The following N4BP2L2 variants were observed in gnomAD, a reference collection of about 807,000 sequenced individuals.
The protein encoded by N4BP2L2 is NEDD4-binding protein 2-like 2.
Under a neutral mutation model 56.2 loss-of-function variants are expected in N4BP2L2, and 50 were observed. The observed-to-expected ratio is 0.89, with a 90% CI of 0.71 to 1.13. The LOEUF is 1.13. Ranked by LOEUF, N4BP2L2 falls within the 50% of genes most tolerant of loss-of-function variation. The probability of loss-of-function intolerance (pLI) is 0.00; values close to 1 mark genes in which losing one functional copy is unlikely to be tolerated. For synonymous variants in N4BP2L2, 203 were observed against 223.6 expected (o/e 0.91, Z 0.82); for missense variants, 689 against 693.8 (o/e 0.99, Z 0.08).
intron 3 of N4BP2L2, chr13:32,524,052 T>C (rs1046986611): frequency 7.2e-5 from 11 of 152,230 alleles, no homozygotes; most frequent in Admixed American, 4.6e-4. Context: ...AAAACATTTA[T>C]ACAGATGTCT....
chr13:32,501,831 ACT>A (rs2090070000), intron 6 of N4BP2L2, among the ~76,000 whole-genome samples: 2 of 151,076 alleles, frequency 1.3e-5, no homozygotes, highest in Admixed American at 1.3e-4. Context: ...AGATAGGGAG[ACT>A]CTGTCTCAAA....
chr13:32,447,580 A>G (rs148150981), intron 6 of N4BP2L2, among the ~76,000 whole-genome samples: 246 of 152,354 alleles, frequency 1.6e-3, no homozygotes, highest in African/African-American at 5.7e-3. Flanking sequence ...ACTTACTGCA[A>G]CATAAAAGTC....
chr13:32,443,034 T>C (rs773127924), exon 7 of N4BP2L2: 2 of 1,609,324 alleles, frequency 1.2e-6, no homozygotes, highest in Non-Finnish European at 1.7e-6. Context: ...TCTGTCCTAA[T>C]AAGTCAAAAT....
chr13:32,532,656 T>C (rs1261371315), intron 2 of N4BP2L2, among the ~76,000 whole-genome samples: 2 of 150,280 alleles, frequency 1.3e-5, no homozygotes, highest in East Asian at 3.9e-4. Flanking sequence ...AGTGGTGTGA[T>C]CTCGGCTCAC....
intron 6 of N4BP2L2, among the ~76,000 whole-genome samples, chr13:32,446,869 G>C (rs751215772): frequency 6.3e-4 from 95 of 151,762 alleles, no homozygotes; most frequent in Non-Finnish European, 9.3e-4. Flanking sequence ...TATCAAGTAA[G>C]GGCAAAGGCT....
At chr13:32,466,367 G>C (rs1325508193) in intron 6 of N4BP2L2, among the ~76,000 whole-genome samples, 3 of 151,970 alleles carry the variant, frequency 2.0e-5, no homozygotes, top group African/African-American at 7.2e-5. Context: ...AGGAATTCAA[G>C]ATCAGCCTAG....
chr13:32,522,252 T>G, exon 4 of N4BP2L2: 1 of 1,545,080 alleles, frequency 6.5e-7, no homozygotes, highest in Non-Finnish European at 8.7e-7. Context: ...AGATCTTCCC[T>G]GATCGATAGC....
At chr13:32,519,456 G>C (rs1173410306) in intron 5 of N4BP2L2, among the ~76,000 whole-genome samples, 2 of 152,066 alleles carry the variant, frequency 1.3e-5, no homozygotes, top group African/African-American at 4.8e-5. Flanking sequence ...AGGAGCTCAA[G>C]ACCAGCCTAA....
At chr13:32,506,685 G>A (rs891851047), downstream of N4BP2L2, 1 of 152,146 alleles carries the variant, frequency 6.6e-6, no homozygotes, top group African/African-American at 2.4e-5. Flanking sequence ...AGAACGGAAG[G>A]GGTATGTGTA....
At chr13:32,527,117 A>G (rs978284216) in intron 3 of N4BP2L2, 6 of 223,866 alleles carry the variant, frequency 2.7e-5, no homozygotes, top group Non-Finnish European at 5.2e-5. Context: ...GTATAAAATA[A>G]AGCCTCTTAA....
chr13:32,436,468 G>T, intron 8 of N4BP2L2: 1 of 736,826 alleles, frequency 1.4e-6, no homozygotes, highest in East Asian at 3.2e-5. Context: ...AGTTTGCACT[G>T]TCATTTTACT....
exon 7 of N4BP2L2, chr13:32,443,550 T>G (rs770230119): frequency 6.2e-7 from 1 of 1,610,682 alleles, no homozygotes; most frequent in Non-Finnish European, 8.5e-7. Flanking sequence ...GTGAGAGATT[T>G]TTATCTACTA....
At chr13:32,458,496 G>A (rs1019953103) in intron 6 of N4BP2L2, among the ~76,000 whole-genome samples, 1 of 152,198 alleles carries the variant, frequency 6.6e-6, no homozygotes, top group Non-Finnish European at 1.5e-5. Flanking sequence ...AAGCAAGTGG[G>A]AGTAGCTATA....
At chr13:32,531,024 C>T (rs188332906) in intron 2 of N4BP2L2, among the ~76,000 whole-genome samples, 2 of 152,228 alleles carry the variant, frequency 1.3e-5, no homozygotes, top group Admixed American at 1.3e-4. Flanking sequence ...CCTCCAGTCT[C>T]TAGCCAGCAA....
At position 32,447,649 on chromosome 13, in the gene N4BP2L2, G is replaced by A. The variant is rs187076109; in HGVS notation, c.366-3523C>T. Among the ~76,000 whole-genome samples the A allele has an allele frequency of 4.3e-3, 648 of 152,154 alleles. 2 individuals are homozygous for A. Among genetic ancestry groups the A allele is most frequent in the Middle Eastern group, 6.8e-3 (2 of 294 alleles). On this transcript the variant is annotated intron_variant, in intron 6 of 9. Coordinates refer to the N4BP2L2 transcript ENST00000357505. ...ATCAGTTCCCTCAAAGTCCAGCTCA[G>A]AATAGGCTAATCTGTCATTAAAAAA...
intron 6 of N4BP2L2, among the ~76,000 whole-genome samples, chr13:32,482,654 C>G (rs980811371): frequency 6.6e-6 from 1 of 152,142 alleles, no homozygotes; most frequent in Admixed American, 6.5e-5. Flanking sequence ...GCATGAGCCA[C>G]TGTGCCTGGC....
intron 6 of N4BP2L2, among the ~76,000 whole-genome samples, chr13:32,452,777 TCATAAA>T (rs1221521298): frequency 2.0e-5 from 3 of 152,174 alleles, no homozygotes; most frequent in African/African-American, 7.2e-5. Context: ...TATGATCCTA[TCATAAA>T]CATAATTTCT....
chr13:32,497,918 T>A lies in N4BP2L2; in HGVS notation c.365+19939A>T, dbSNP rs144697800. On this transcript the variant is annotated intron_variant, in intron 6 of 9. Coordinates refer to the N4BP2L2 transcript ENST00000357505. ...ACTGATGCCAGTCCATGAAGTTTGCTACTGATCCACAAGTACAGAAATTGA... is the reference window on the plus strand; with the variant it reads ...ACTGATGCCAGTCCATGAAGTTTGCAACTGATCCACAAGTACAGAAATTGA... Among the ~76,000 whole-genome samples, 957 of 152,300 alleles carry A rather than the reference T, an allele frequency of 6.3e-3. 3 individuals carry two copies. The highest frequency in any genetic ancestry group is 0.01 in the Non-Finnish European group (699 of 68,024).
intron 4 of N4BP2L2, chr13:32,521,871 G>A: frequency 3.2e-6 from 1 of 312,292 alleles, no homozygotes. Flanking sequence ...AGCTACTCAG[G>A]TGGCTGAGGC....
Sources: gnomAD v4.1 joint callset for allele counts (sites outside exome capture counted in the v4.1 genomes callset) on GRCh38, gnomAD v4.1.1 for gene constraint, MANE v1.5 for transcripts, NCBI Gene and HGNC (gene_info 2026-07-23, HGNC 2026-07-21) for gene names.